The following ATXN3 variants were observed in gnomAD, a reference collection of about 807,000 sequenced individuals.
ATXN3 encodes the protein ataxin 3, also known as ataxin-3.
Under a neutral mutation model 58.2 loss-of-function variants are expected in ATXN3, and 28 were observed. The ratio of observed to expected loss-of-function variants is 0.48; its 90% CI spans 0.36 to 0.66. The LOEUF (loss-of-function observed/expected upper bound fraction) is 0.66, where lower values mean the gene tolerates loss of function less well. Among genes scored for constraint, ATXN3 ranks in the 30% least tolerant of loss-of-function variants. The pLI, the probability that ATXN3 is intolerant of heterozygous loss-of-function variation, is 0.00. For missense variants in ATXN3, 321 were observed against 422.1 expected (o/e 0.76, Z 2.10); for synonymous variants, 113 against 138.5 (o/e 0.82, Z 1.29).
At chr14:92,085,701 C>T (rs2140876554) in intron 6 of ATXN3, among the ~76,000 whole-genome samples, 1 of 152,276 alleles carries the variant, frequency 6.6e-6, no homozygotes, top group African/African-American at 2.4e-5. Context: ...CTTTCATAGA[C>T]ATGTTCAGTT....
At chr14:92,048,691 G>C (rs2057437478) in intron 1 of ATXN3, among the ~76,000 whole-genome samples, 1 of 152,170 alleles carries the variant, frequency 6.6e-6, no homozygotes, top group South Asian at 2.1e-4. Context: ...GTCACAGAAA[G>C]AAACTGTAAG....
At chr14:92,088,841 A>G in intron 5 of ATXN3, 24 bp from the exon 6 acceptor site, 1 of 1,386,968 alleles carries the variant, frequency 7.2e-7, no homozygotes, top group South Asian at 1.2e-5. Flanking sequence ...GTCAATATTT[A>G]AGTTAGTGTA....
chr14:92,106,192 G>A (rs2068310121), intron 1 of ATXN3, among the ~76,000 whole-genome samples: 1 of 152,204 alleles, frequency 6.6e-6, no homozygotes, highest in South Asian at 2.1e-4. Context: ...AAGGATTGGG[G>A]AGGGGTGAAG....
At position 92,082,480 on chromosome 14, in the gene ATXN3, G is replaced by A. The variant is rs553632954; in HGVS notation, c.609-14C>T. On this transcript the variant is annotated splice_polypyrimidine_tract_variant and intron_variant, in intron 7 of 10. Coordinates refer to ENST00000644486, the MANE Select transcript of ATXN3 (RefSeq NM_004993.6). ...GTTTTATGGACTCTAAAGAACAAAA[G>A]CACTGGTAATAACTGCAACCAATCT... is the stretch of plus-strand genomic sequence containing the variant. 1.2e-6 allele frequency: 2 copies of A among 1,604,112 alleles called. No individual in the cohort carries two copies. Among genetic ancestry groups the A allele is most frequent in the East Asian group, 4.5e-5 (2 of 44,736 alleles).
At position 92,064,167 on chromosome 14, in the gene ATXN3, G is replaced by T. The variant is rs116338117; in HGVS notation, c.*153C>A. On this transcript the variant is annotated 3_prime_UTR_variant, in exon 11 of 11. Coordinates refer to ENST00000644486, the MANE Select transcript of ATXN3 (RefSeq NM_004993.6). ...AAGATCATTATTTAGTCCTACAACC[G>T]ACGCATTGTTCCACTTTCCCATCAT... 2 of 522,584 alleles carry T rather than the reference G, an allele frequency of 3.8e-6. No homozygotes were observed. The highest frequency in any genetic ancestry group is 7.1e-5 in the Admixed American group (2 of 28,254). The allele number at this position is 522,584 out of a possible 1,614,324, so 32.4% of individuals were successfully genotyped here. A position where few individuals can be genotyped will look rare whatever the true frequency, so the allele number is the denominator to read the frequency against.
chr14:92,103,568 C>T (rs2067367769), intron 1 of ATXN3, among the ~76,000 whole-genome samples: 1 of 152,140 alleles, frequency 6.6e-6, no homozygotes, highest in Admixed American at 6.5e-5. Context: ...CCCAAGTCTA[C>T]AGGCATGTGC....
chr14:92,047,786 C>T (rs1037589992), intron 2 of ATXN3: 4 of 152,138 alleles, frequency 2.6e-5, no homozygotes, highest in Admixed American at 2.6e-4. Flanking sequence ...GTTTAGAATC[C>T]TGGCCATCAA....
chr14:92,071,327 G>T, intron 9 of ATXN3: 1 of 564,318 alleles, frequency 1.8e-6, no homozygotes, highest in Non-Finnish European at 3.2e-6. Context: ...CAGGAGTGGT[G>T]GCTCACACCT....
Position 92,065,817 on chromosome 14 carries a change from G to A in ATXN3, c.992-1403C>T, listed in dbSNP as rs138030090. Among the ~76,000 whole-genome samples the A allele has an allele frequency of 4.1e-3, 619 of 152,218 alleles. 18 individuals are homozygous for A. In the South Asian group the frequency reaches 0.068, roughly 17 times the overall value. On this transcript the variant is annotated intron_variant, in intron 10 of 10. Transcript: ENST00000644486. ...AATGGCGTGAACCCGGGAGGCAGAG[G>A]TTGCAGTAAGCCGAGATGGCGCCAC...
rs2057779638 is a variant in ATXN3, at chr14:92,061,554, AT to A, written c.*2765del. 1 of 152,256 alleles carries A rather than the reference AT, an allele frequency of 6.6e-6. No homozygotes were observed. Among genetic ancestry groups the A allele is most frequent in the Admixed American group, 6.5e-5 (1 of 15,282 alleles). The allele number at this position is 152,256 out of a possible 1,614,324, so 9.4% of individuals were successfully genotyped here. Reference sequence around the variant, plus strand: ...TTGATCCCAGTAATACAAATTATACATTAGAAAAATGATACCAATAGTTTAA... The same window carrying A: ...TTGATCCCAGTAATACAAATTATACATAGAAAAATGATACCAATAGTTTAA... On this transcript the variant is annotated 3_prime_UTR_variant, in exon 11 of 11. Coordinates refer to ENST00000644486, the MANE Select transcript of ATXN3 (RefSeq NM_004993.6).
At chr14:92,093,909 G>T in intron 3 of ATXN3, 78 bp from the exon 4 acceptor site, 8 of 773,450 alleles carry the variant, frequency 1.0e-5, no homozygotes, top group East Asian at 2.7e-5. Context: ...TGTTAGTTGT[G>T]TACTTCATAT....
chr14:92,100,284 C>G (rs1433261099), intron 1 of ATXN3, among the ~76,000 whole-genome samples: 2 of 152,082 alleles, frequency 1.3e-5, no homozygotes, highest in African/African-American at 4.8e-5. Flanking sequence ...ATGTAAACAA[C>G]AGCAATGCAA....
chr14:92,072,808 C>T (rs1050419025), intron 9 of ATXN3, among the ~76,000 whole-genome samples: 1 of 150,520 alleles, frequency 6.6e-6, no homozygotes, highest in Admixed American at 6.6e-5. Context: ...TTTAAATTAC[C>T]AGCAACAATT....
At position 92,081,844 on chromosome 14, in the gene ATXN3, A is replaced by G. The variant is rs56249958; in HGVS notation, c.775+456T>C. Among the ~76,000 whole-genome samples, 253 of 152,316 alleles carry G rather than the reference A, an allele frequency of 1.7e-3. 3 individuals are homozygous for G. The highest frequency in any genetic ancestry group is 0.012 in the East Asian group (63 of 5,190). On this transcript the variant is annotated intron_variant, in intron 8 of 10. Coordinates refer to ENST00000644486, the MANE Select transcript of ATXN3 (RefSeq NM_004993.6). ...AGGGGATATGTTTTCGCTTTTCTCTATTGATAGTTTATATCACTAAAAAAC... is the reference window on the plus strand; with the variant it reads ...AGGGGATATGTTTTCGCTTTTCTCTGTTGATAGTTTATATCACTAAAAAAC...
chr14:92,081,346 G>A (rs1178044646), intron 8 of ATXN3, among the ~76,000 whole-genome samples: 7 of 142,700 alleles, frequency 4.9e-5, no homozygotes, highest in South Asian at 2.3e-4. Flanking sequence ...GGTGGTAGGC[G>A]CCTGTAGTCC....
chr14:92,095,573 C>T (rs2065021887), intron 3 of ATXN3, among the ~76,000 whole-genome samples: 1 of 151,748 alleles, frequency 6.6e-6, no homozygotes, highest in African/African-American at 2.4e-5. Context: ...CATCCAGATG[C>T]AAATTAATCT....
At chr14:92,046,529 C>A (rs546002998) in intron 2 of ATXN3, among the ~76,000 whole-genome samples, 1 of 152,176 alleles carries the variant, frequency 6.6e-6, no homozygotes, top group Non-Finnish European at 1.5e-5. Context: ...TCCAACTGCA[C>A]AGCCCTGCAT....
In ATXN3 at chr14:92,071,023, C is replaced by CTGCTGCTGCTGCTGCTGT. The variant is rs772712821; in HGVS notation, c.902_903insACAGCAGCAGCAGCAGCA (p.Gln300_Gln305dup). 1 of 1,609,322 alleles carries CTGCTGCTGCTGCTGCTGT rather than the reference C, an allele frequency of 6.2e-7. No homozygotes were observed. Among genetic ancestry groups the CTGCTGCTGCTGCTGCTGT allele is most frequent in the Non-Finnish European group, 8.5e-7 (1 of 1,178,478 alleles). On this transcript the variant is annotated inframe_insertion, in exon 10 of 11. Transcript: ENST00000644486. ...CTGATAGGTCCCCCTGCTGCTGCTG[C>CTGCTGCTGCTGCTGCTGT]TGCTGCTGCTGTTGCTGCTTTTGCT...
At chr14:92,068,353 C>G (rs775378635) in intron 10 of ATXN3, among the ~76,000 whole-genome samples, 9 of 152,164 alleles carry the variant, frequency 5.9e-5, no homozygotes, top group Non-Finnish European at 1.3e-4. Context: ...TTTTGTTTGA[C>G]TGGAGTCAAG....
Sources: gnomAD v4.1 joint callset for allele counts (sites outside exome capture counted in the v4.1 genomes callset) on GRCh38, gnomAD v4.1.1 for gene constraint, MANE v1.5 for transcripts, NCBI Gene and HGNC (gene_info 2026-07-23, HGNC 2026-07-21) for gene names.